The following CADPS2 variants were observed in gnomAD, a reference collection of about 807,000 sequenced individuals.
CADPS2 encodes calcium dependent secretion activator 2, also known as calcium-dependent secretion activator 2.
In CADPS2, 93 loss-of-function variants were observed where a neutral mutation model predicts 172.5. That is an observed-to-expected ratio of 0.54 (90% CI 0.46 to 0.64). CADPS2 has a LOEUF of 0.64. Among genes scored for constraint, CADPS2 ranks in the 30% least tolerant of loss-of-function variants. CADPS2 has a pLI of 0.00. For missense variants in CADPS2, 1,420 were observed against 1,565.9 expected (o/e 0.91, Z 1.57); for synonymous variants, 546 against 555.2 (o/e 0.98, Z 0.23).
intron 12 of CADPS2, among the ~76,000 whole-genome samples, chr7:122,478,678 A>T (rs906151999): frequency 6.6e-6 from 1 of 152,194 alleles, no homozygotes; most frequent in Admixed American, 6.5e-5. Flanking sequence ...TAGGTAATAC[A>T]GACTTGAAAA....
Position 122,828,920 on chromosome 7 carries a change from T to C in CADPS2, c.339+57079A>G, listed in dbSNP as rs578157105. ...GGGGGAACAGAATGTATCCTACCACTGTGCTGTCCCAAGCTGCCTCACCTT... is the reference window on the plus strand; with the variant it reads ...GGGGGAACAGAATGTATCCTACCACCGTGCTGTCCCAAGCTGCCTCACCTT... On this transcript the variant is annotated intron_variant, in intron 1 of 29. Coordinates refer to ENST00000449022, the MANE Select transcript of CADPS2 (RefSeq NM_017954.11). Among the ~76,000 whole-genome samples, 4 of 152,346 alleles carry C rather than the reference T, an allele frequency of 2.6e-5. No homozygotes were observed. In the East Asian group the frequency reaches 7.7e-4, roughly 29 times the overall value.
At chr7:122,711,356 A>G (rs2088684572) in intron 2 of CADPS2, among the ~76,000 whole-genome samples, 1 of 152,100 alleles carries the variant, frequency 6.6e-6, no homozygotes, top group South Asian at 2.1e-4. Flanking sequence ...ATCTCTCAAG[A>G]TATTTAAATA....
chr7:122,579,535 TAAAC>T (rs1457411305), intron 7 of CADPS2, among the ~76,000 whole-genome samples: 5 of 149,642 alleles, frequency 3.3e-5, no homozygotes, highest in Admixed American at 6.7e-5. Context: ...GACCAGCTGA[TAAAC>T]AAATTAAAAA....
intron 1 of CADPS2, 104 bp downstream of exon 1, chr7:122,885,895 C>T (rs1824227833): frequency 3.0e-6 from 4 of 1,328,956 alleles, no homozygotes; most frequent in South Asian, 2.5e-5. Flanking sequence ...AACAAAAATA[C>T]GGTGTCCTGC....
At chr7:122,460,155 C>G (rs2054280257) in intron 14 of CADPS2, among the ~76,000 whole-genome samples, 1 of 151,902 alleles carries the variant, frequency 6.6e-6, no homozygotes, top group Non-Finnish European at 1.5e-5. Flanking sequence ...TAACTTGATA[C>G]TCCCCAAATC....
chr7:122,763,018 A>G (rs1316663966), intron 1 of CADPS2, among the ~76,000 whole-genome samples: 1 of 152,012 alleles, frequency 6.6e-6, no homozygotes, highest in African/African-American at 2.4e-5. Flanking sequence ...TCAATAGTAG[A>G]TGGAAACACA....
intron 20 of CADPS2, 95 bp downstream of exon 20, chr7:122,407,445 T>TCAGGC: frequency 1.5e-6 from 2 of 1,328,696 alleles, no homozygotes; most frequent in African/African-American, 2.9e-5. Context: ...CGAACTCTTG[T>TCAGGC]CAGGCCGGTG....
intron 3 of CADPS2, among the ~76,000 whole-genome samples, chr7:122,633,013 C>T (rs2076726139): frequency 1.3e-5 from 2 of 151,890 alleles, no homozygotes; most frequent in Non-Finnish European, 2.9e-5. Flanking sequence ...TGTAGGTGTG[C>T]AGGTTTACTT....
intron 3 of CADPS2, among the ~76,000 whole-genome samples, chr7:122,657,195 T>C (rs1024387531): frequency 6.6e-6 from 1 of 152,226 alleles, no homozygotes; most frequent in African/African-American, 2.4e-5. Flanking sequence ...AGTACCATGC[T>C]GTTTTGGTTA....
intron 14 of CADPS2, among the ~76,000 whole-genome samples, chr7:122,464,719 A>C (rs2054908395): frequency 6.6e-6 from 1 of 152,198 alleles, no homozygotes; most frequent in South Asian, 2.1e-4. Context: ...AAAACACTTG[A>C]CTAGTACTCC....
chr7:122,845,633 G>A (rs1411265603), intron 1 of CADPS2, among the ~76,000 whole-genome samples: 2 of 152,192 alleles, frequency 1.3e-5, no homozygotes, highest in African/African-American at 4.8e-5. Context: ...GGGTTGAAAA[G>A]CCCTCCACAT....
At chr7:122,430,204 C>T (rs2049710805) in intron 17 of CADPS2, among the ~76,000 whole-genome samples, 1 of 152,214 alleles carries the variant, frequency 6.6e-6, no homozygotes, top group African/African-American at 2.4e-5. Context: ...TTATTCATTC[C>T]ATGCTACCTT....
At chr7:122,794,571 A>C (rs2139766070) in intron 1 of CADPS2, among the ~76,000 whole-genome samples, 1 of 152,160 alleles carries the variant, frequency 6.6e-6, no homozygotes, top group East Asian at 1.9e-4. Flanking sequence ...ACAGAAAACT[A>C]ACAAAGATAT....
intron 20 of CADPS2, among the ~76,000 whole-genome samples, chr7:122,396,353 C>G (rs1291348011): frequency 6.6e-6 from 1 of 152,124 alleles, no homozygotes; most frequent in Non-Finnish European, 1.5e-5. Context: ...TTGCAATAGT[C>G]CAGCCCTCTC....
At chr7:122,832,749 T>C (rs1045821597) in intron 1 of CADPS2, among the ~76,000 whole-genome samples, 3 of 152,184 alleles carry the variant, frequency 2.0e-5, no homozygotes, top group East Asian at 3.9e-4. Flanking sequence ...AAAACTTTAA[T>C]AGTGGAGAAA....
At chr7:122,464,807 T>C (rs2054921609) in intron 14 of CADPS2, among the ~76,000 whole-genome samples, 2 of 152,110 alleles carry the variant, frequency 1.3e-5, no homozygotes, top group African/African-American at 4.8e-5. Context: ...TAAGTGCAAC[T>C]TGGTACCCTG....
At chr7:122,462,811 G>A (rs1379580170) in intron 14 of CADPS2, among the ~76,000 whole-genome samples, 1 of 152,058 alleles carries the variant, frequency 6.6e-6, no homozygotes, top group Non-Finnish European at 1.5e-5. Flanking sequence ...ACAATCTTAA[G>A]CTTGAACACA....
At chr7:122,414,427 AT>A (rs1436370265) in intron 18 of CADPS2, among the ~76,000 whole-genome samples, 1 of 152,170 alleles carries the variant, frequency 6.6e-6, no homozygotes, top group African/African-American at 2.4e-5. Flanking sequence ...TTATTAATAG[AT>A]TTTTTAATTC....
rs1035532650 is a variant in CADPS2 at position 122,609,451 on chromosome 7, G to C, written c.1223+5730C>G. On this transcript the variant is annotated intron_variant, in intron 6 of 29. Transcript: ENST00000449022. Reference sequence around the variant, plus strand: ...CAAAACTTTTCCTGGTTTACTAAGAGACTATGAAACAATGACTTAAAAATC... The same window carrying C: ...CAAAACTTTTCCTGGTTTACTAAGACACTATGAAACAATGACTTAAAAATC... Among the ~76,000 whole-genome samples, 4 of 152,074 alleles carry C rather than the reference G, an allele frequency of 2.6e-5. No individual in the cohort carries two copies. The South Asian group carries it at 8.3e-4, about 31-fold the overall frequency.
Sources: allele counts gnomAD v4.1 joint callset (sites outside exome capture counted in the v4.1 genomes callset), GRCh38; gene constraint gnomAD v4.1.1; transcripts MANE v1.5; gene names NCBI Gene and HGNC (gene_info 2026-07-23, HGNC 2026-07-21).